The following TCF20 variants were observed in gnomAD, a reference collection of about 807,000 sequenced individuals.
TCF20 encodes the protein SPRE-binding protein.
In TCF20, 3 loss-of-function variants were observed where a neutral mutation model predicts 148.6. That is an observed-to-expected ratio of 0.02 (90% CI 0.01 to 0.05). TCF20 has a LOEUF of 0.05. TCF20 is among the 10% of genes least tolerant of loss of function. The pLI is 1.00. For missense variants in TCF20, 2,350 were observed against 2,429.3 expected (o/e 0.97, Z 0.69); for synonymous variants, 1,049 against 909.5 (o/e 1.15, Z -2.76).
intron 1 of TCF20, among the ~76,000 whole-genome samples, chr22:42,244,494 T>C (rs568585269): frequency 5.3e-5 from 8 of 152,254 alleles, no homozygotes; most frequent in South Asian, 2.1e-4. Flanking sequence ...ACAATGTAGA[T>C]AAATCTCAAA....
At chr22:42,336,186 G>A (rs1928064789) in intron 1 of TCF20, among the ~76,000 whole-genome samples, 1 of 152,158 alleles carries the variant, frequency 6.6e-6, no homozygotes, top group Non-Finnish European at 1.5e-5. Context: ...GGATCTGTTG[G>A]GGAGGGGTGG....
intron 3 of TCF20, among the ~76,000 whole-genome samples, chr22:42,177,244 GTC>G (rs1936506833): frequency 6.6e-6 from 1 of 152,020 alleles, no homozygotes; most frequent in African/African-American, 2.4e-5. Flanking sequence ...GCAAAACCCC[GTC>G]TCTACTAAAA....
rs1015719806 is a variant in TCF20, at chr22:42,292,627, G to A, written c.-37+50852C>T. Among the ~76,000 whole-genome samples the A allele has an allele frequency of 5.3e-5, 8 of 152,088 alleles. No individual in the cohort carries two copies. The highest frequency in any genetic ancestry group is 1.9e-4 in the African/African-American group (8 of 41,402). ...TGGATAAATCCCAGAAGGCATCCCA[G>A]AAGAGGGGGTGTTTAAGCAGGAACT... is the stretch of plus-strand genomic sequence containing the variant. On this transcript the variant is annotated intron_variant, in intron 1 of 1. Transcript: ENST00000515426. The surrounding 1 kb of genome is among the most constrained non-coding windows in gnomAD (Gnocchi z 4.9).
intron 1 of TCF20, among the ~76,000 whole-genome samples, chr22:42,301,226 G>A (rs1271771367): frequency 2.0e-5 from 3 of 151,930 alleles, no homozygotes; most frequent in African/African-American, 4.8e-5. Flanking sequence ...GAGAGAGGTC[G>A]GCTCAGATCT....
At chr22:42,189,581 T>C (rs566488164) in intron 2 of TCF20, among the ~76,000 whole-genome samples, 1 of 152,370 alleles carries the variant, frequency 6.6e-6, no homozygotes, top group East Asian at 1.9e-4. Context: ...TTGTTTTCCG[T>C]TGTCTTAGAG....
At position 42,161,342 on chromosome 22, in the gene TCF20, C is replaced by G; in HGVS notation, c.*61G>C. 6.2e-7 allele frequency: 1 copy of G among 1,614,108 alleles called. No homozygotes were observed. Among genetic ancestry groups the G allele is most frequent in the Non-Finnish European group, 8.5e-7 (1 of 1,179,998 alleles). On this transcript the variant is annotated 3_prime_UTR_variant, in exon 6 of 6. Transcript: ENST00000677622. ...CCATCACGAGTGTCCACCACCTTCT[C>G]ATCTCCACAGTCTCACCTGGAAGAC...
At chr22:42,164,212 CTTTTTTTTTTT>C (rs56079117) in intron 5 of TCF20, among the ~76,000 whole-genome samples, 103 of 83,512 alleles carry the variant, frequency 1.2e-3, no homozygotes, top group African/African-American at 4.7e-3. Context: ...TCATTTCTTT[CTTTTTTTTTTT>C]TTTTTTTTTG....
chr22:42,207,831 A>G (rs1938493293), intron 2 of TCF20, among the ~76,000 whole-genome samples: 1 of 151,800 alleles, frequency 6.6e-6, no homozygotes, highest in Admixed American at 6.6e-5. Flanking sequence ...AGAAAAAAAA[A>G]TCAAGACATC....
chr22:42,321,497 C>T (rs948586613), intron 1 of TCF20, among the ~76,000 whole-genome samples: 1 of 150,232 alleles, frequency 6.7e-6, no homozygotes, highest in Non-Finnish European at 1.5e-5. Context: ...GGAAGCTTTC[C>T]AGGGCTCTTG....
chr22:42,245,983 C>A (rs1473300649), intron 1 of TCF20, among the ~76,000 whole-genome samples: 1 of 152,182 alleles, frequency 6.6e-6, no homozygotes, highest in Non-Finnish European at 1.5e-5. Flanking sequence ...CTGTTGAACA[C>A]CCTGAGGACA....
intron 1 of TCF20, 164 bp downstream of exon 1, chr22:42,270,175 C>T (rs1601684380): frequency 6.6e-6 from 1 of 152,442 alleles, no homozygotes; most frequent in South Asian, 2.1e-4. Context: ...GCAACACTCC[C>T]CTCAGCACCC....
intron 1 of TCF20, among the ~76,000 whole-genome samples, chr22:42,252,021 T>C (rs1005796410): frequency 6.6e-6 from 1 of 150,664 alleles, no homozygotes; most frequent in Non-Finnish European, 1.5e-5. Flanking sequence ...CTGGCCAACG[T>C]GGCAAAACCC....
intron 1 of TCF20, among the ~76,000 whole-genome samples, chr22:42,227,378 G>A (rs1009055772): frequency 2.0e-5 from 3 of 152,194 alleles, no homozygotes; most frequent in Non-Finnish European, 4.4e-5. Flanking sequence ...TCCAACTGAT[G>A]CTTTACCTCA....
intron 1 of TCF20, among the ~76,000 whole-genome samples, chr22:42,250,021 G>A (rs2054550444): frequency 6.6e-6 from 1 of 152,196 alleles, no homozygotes; most frequent in South Asian, 2.1e-4. Context: ...CTACTAGGGA[G>A]GCTGAGGTAG....
chr22:42,296,426 G>A (rs1927238154), intron 1 of TCF20, among the ~76,000 whole-genome samples: 1 of 152,252 alleles, frequency 6.6e-6, no homozygotes, highest in Non-Finnish European at 1.5e-5. Flanking sequence ...CCGAGAGCCA[G>A]TGCAGCTGTG....
chr22:42,290,206 C>T lies in TCF20; in HGVS notation c.-37+53273G>A, dbSNP rs1179102478. Among the ~76,000 whole-genome samples, 3 of 152,126 alleles carry T rather than the reference C, an allele frequency of 2.0e-5. No homozygotes were observed. Among genetic ancestry groups the T allele is most frequent in the African/African-American group, 7.2e-5 (3 of 41,438 alleles). On this transcript the variant is annotated intron_variant, in intron 1 of 1. Coordinates refer to the TCF20 transcript ENST00000515426. This position sits in a 1 kb window ranked among gnomAD's most constrained non-coding sequence, Gnocchi z 4.2. ...AGGTGGGCCAGAGCCTGCAGCAGGG[C>T]CTGCCCCCTTCATCCTGTCTCTTCT...
chr22:42,312,593 C>G (rs1053015461), intron 1 of TCF20, among the ~76,000 whole-genome samples: 4 of 152,162 alleles, frequency 2.6e-5, no homozygotes, highest in African/African-American at 9.7e-5. Flanking sequence ...TCAGAGCCAG[C>G]TCTATTATCA....
At chr22:42,221,543 G>C (rs758899451) in intron 1 of TCF20, among the ~76,000 whole-genome samples, 2 of 152,066 alleles carry the variant, frequency 1.3e-5, no homozygotes, top group Non-Finnish European at 2.9e-5. Context: ...CTATGACATA[G>C]AACAGGGACT....
intron 1 of TCF20, among the ~76,000 whole-genome samples, chr22:42,320,553 G>A (rs1167269918): frequency 6.6e-6 from 1 of 152,206 alleles, no homozygotes; most frequent in East Asian, 1.9e-4. Flanking sequence ...TCCATCAAGT[G>A]AACATCCCTC....
Sources: gnomAD v4.1 joint callset for allele counts (sites outside exome capture counted in the v4.1 genomes callset) on GRCh38, gnomAD v4.1.1 for gene constraint, Gnocchi (gnomAD v3.1) non-coding constraint, MANE v1.5 for transcripts, NCBI Gene and HGNC (gene_info 2026-07-23, HGNC 2026-07-21) for gene names.